The following PTGER2 variants were observed in gnomAD, a reference collection of about 807,000 sequenced individuals.
PTGER2 encodes prostaglandin E2 receptor EP2 subtype.
In PTGER2, 22 loss-of-function variants were observed where a neutral mutation model predicts 26.2. That is an observed-to-expected ratio of 0.84 (90% CI 0.60 to 1.20). PTGER2 has a LOEUF of 1.20. Ranked by LOEUF, PTGER2 falls within the 50% of genes most tolerant of loss-of-function variation. The pLI is 0.00. For synonymous variants in PTGER2, 219 were observed against 208.9 expected, an observed-to-expected ratio of 1.05 and a Z score of -0.42; for missense variants, 458 against 475.2, an observed-to-expected ratio of 0.96 and a Z score of 0.34.
rs2033829161 is a variant in PTGER2, at chr14:52,315,356, AC to A, written c.810del (p.Ile271SerfsTer16). 1.2e-6 allele frequency: 2 copies of A among 1,612,666 alleles called. No homozygotes were observed. Among genetic ancestry groups the A allele is most frequent in the East Asian group, 4.5e-5 (2 of 44,744 alleles). On this transcript the variant is annotated frameshift_variant, in exon 1 of 2. Coordinates refer to ENST00000245457, the MANE Select transcript of PTGER2 (RefSeq NM_000956.4). LOFTEE classifies it high-confidence loss of function. ...TDHLILLAIMTITFAVCSLPF... is the reference protein window; with the variant it reads ...TDHLILLAIMXITFAVCSLPF... ...CCACCTCATTCTCCTGGCTATCATG[AC>A]CATCACCTTCGCCGTCTGCTCCTTG...
At chr14:52,322,998 T>C (rs764683725) in intron 1 of PTGER2, among the ~76,000 whole-genome samples, 1 of 152,234 alleles carries the variant, frequency 6.6e-6, no homozygotes, top group Non-Finnish European at 1.5e-5. Flanking sequence ...AATATCATAG[T>C]GGTCCTGAGG....
chr14:52,314,697 G>A lies in PTGER2; in HGVS notation c.149G>A (p.Trp50Ter). ...LIALALLARR[W>*]RGDVGCSAGR... ...GCACTGGCGCTGCTGGCGCGCCGCT[G>A]GCGGGGGGACGTGGGGTGCAGCGCC... The change falls in exon 1 of 2, where the codon TGG becomes TAG. Residue 50 changes from tryptophan (W) to a stop codon, truncating the protein, a stop_gained. Transcript: ENST00000245457. LOFTEE classifies it high-confidence loss of function. This position sits in a 1 kb window ranked among gnomAD's most constrained non-coding sequence, Gnocchi z 5.7. The A allele has an allele frequency of 6.4e-7, 1 of 1,553,758 alleles. No individual in the cohort carries two copies. The highest frequency in any genetic ancestry group is 8.7e-7 in the Non-Finnish European group (1 of 1,146,492).
intron 1 of PTGER2, among the ~76,000 whole-genome samples, chr14:52,320,072 G>A (rs1201615911): frequency 1.3e-5 from 2 of 152,190 alleles, no homozygotes; most frequent in Admixed American, 1.3e-4. Context: ...AAGAACTCCA[G>A]ACATCTCTAC....
At chr14:52,326,127 C>G (rs1302226706) in intron 1 of PTGER2, among the ~76,000 whole-genome samples, 2 of 152,148 alleles carry the variant, frequency 1.3e-5, no homozygotes, top group Non-Finnish European at 2.9e-5. Context: ...TCCAACCTGC[C>G]CAAACATTTA....
Position 52,315,032 on chromosome 14 carries a change from G to A in PTGER2, c.484G>A (p.Ala162Thr). The change falls in exon 1 of 2, where the codon GCA becomes ACA. Residue 162 changes from alanine to threonine, a missense_variant. Transcript: ENST00000245457. ...CCTGGCCGTGCTGCCTGTCATCTAT[G>A]CAGTCTCCCTGCTCTTCTGCTCGCT... is the stretch of plus-strand genomic sequence containing the variant. ...GGLAVLPVIY[A>T]VSLLFCSLPL... The A allele has an allele frequency of 8.7e-6, 14 of 1,613,296 alleles. No homozygotes were observed. Among genetic ancestry groups the A allele is most frequent in the Non-Finnish European group, 1.2e-5 (14 of 1,180,024 alleles).
chr14:52,315,870 T>G (rs909994679), intron 1 of PTGER2, among the ~76,000 whole-genome samples: 1 of 152,334 alleles, frequency 6.6e-6, no homozygotes, highest in African/African-American at 2.4e-5. Context: ...GGGCAAAATG[T>G]AGTACCCAAC....
chr14:52,320,995 T>C (rs1319550832), intron 1 of PTGER2, among the ~76,000 whole-genome samples: 2 of 152,234 alleles, frequency 1.3e-5, no homozygotes, highest in Admixed American at 1.3e-4. Flanking sequence ...AGATGGTTCA[T>C]AGTGTCCATC....
At chr14:52,321,060 A>T (rs1474425707) in intron 1 of PTGER2, among the ~76,000 whole-genome samples, 1 of 152,232 alleles carries the variant, frequency 6.6e-6, no homozygotes, top group African/African-American at 2.4e-5. Context: ...CCAGAGGTCT[A>T]AACCTTAGCA....
chr14:52,317,540 C>T (rs760255886), intron 1 of PTGER2, among the ~76,000 whole-genome samples: 21 of 152,164 alleles, frequency 1.4e-4, no homozygotes, highest in African/African-American at 4.3e-4. Context: ...TCCAGAGTTG[C>T]CAGATAGAAG....
intron 1 of PTGER2, among the ~76,000 whole-genome samples, chr14:52,323,247 G>GTGTA (rs1006872962): frequency 4.0e-5 from 6 of 151,412 alleles, no homozygotes; most frequent in Admixed American, 2.6e-4. Flanking sequence ...GTATGTATGT[G>GTGTA]TGTATGTATG....
chr14:52,327,184 T>A, intron 1 of PTGER2, 37 bp from the exon 2 acceptor site: 1 of 1,452,238 alleles, frequency 6.9e-7, no homozygotes, highest in Non-Finnish European at 9.6e-7. Flanking sequence ...TGCTACGATG[T>A]AAAACTAACA....
intron 1 of PTGER2, among the ~76,000 whole-genome samples, chr14:52,317,671 G>A (rs562601580): frequency 6.6e-6 from 1 of 152,234 alleles, no homozygotes; most frequent in South Asian, 2.1e-4. Context: ...AGACTATGAA[G>A]GGGCTTTAGC....
rs1460385510 is a variant in PTGER2, at chr14:52,327,302, A to G, written c.925A>G (p.Ile309Val). The change falls in exon 2 of 2, where the codon ATA becomes GTA. Residue 309 changes from isoleucine to valine, a missense_variant. Physicochemically the swap from Ile to Val is conservative, Grantham distance 29 (BLOSUM62 3). Coordinates refer to ENST00000245457, the MANE Select transcript of PTGER2 (RefSeq NM_000956.4). ...QALRFLSINS[I>V]IDPWVFAILR... ...TCTTAGGTTTTTATCAATTAATTCA[A>G]TAATTGACCCTTGGGTCTTTGCCAT... 6 of 1,613,126 alleles carry G rather than the reference A, an allele frequency of 3.7e-6. No homozygotes were observed. Among genetic ancestry groups the G allele is most frequent in the African/African-American group, 1.3e-5 (1 of 74,898 alleles).
At position 52,315,176 on chromosome 14, in the gene PTGER2, T is replaced by C. The variant is rs138405848; in HGVS notation, c.628T>C (p.Ser210Pro). 78 of 1,608,270 alleles carry C rather than the reference T, an allele frequency of 4.8e-5. No individual in the cohort carries two copies. The highest frequency in any genetic ancestry group is 8.5e-6 in the Non-Finnish European group (10 of 1,179,990). The stretch of plus-strand genomic sequence containing the variant: ...CACCCTGCTGCTGCTTCTCATTGTC[T>C]CGGTGCTCGCCTGCAACTTCAGTGT... ...YATLLLLLIV[S>P]VLACNFSVIL... The change falls in exon 1 of 2, where the codon TCG becomes CCG. Residue 210 changes from serine (S) to proline (P), a missense_variant. Physicochemically the swap from Ser to Pro is moderately conservative, Grantham distance 74. Coordinates refer to ENST00000245457, the MANE Select transcript of PTGER2 (RefSeq NM_000956.4).
chr14:52,316,423 C>T (rs12431401), intron 1 of PTGER2, among the ~76,000 whole-genome samples: 20,637 of 152,134 alleles, frequency 0.14, 1,878 homozygotes, highest in South Asian at 0.45. Context: ...TGGCCTCTTA[C>T]GGGGGCTAGG....
intron 1 of PTGER2, among the ~76,000 whole-genome samples, chr14:52,318,050 C>A (rs890718712): frequency 5.3e-5 from 8 of 152,232 alleles, no homozygotes; most frequent in Non-Finnish European, 1.0e-4. Flanking sequence ...AAGCTCATGG[C>A]TACTGTTTGG....
At position 52,320,861 on chromosome 14, in the gene PTGER2, A is replaced by G. The variant is rs189634615; in HGVS notation, c.843+5470A>G. On this transcript the variant is annotated intron_variant, in intron 1 of 1. Transcript: ENST00000245457. ...CGGATAAGCACATTTAGAAAGGCTGAAAGTTCCTCTAGAGCAGGGTCCATA... is the reference window on the plus strand; with the variant it reads ...CGGATAAGCACATTTAGAAAGGCTGGAAGTTCCTCTAGAGCAGGGTCCATA... Among the ~76,000 whole-genome samples the G allele has an allele frequency of 1.5e-4, 23 of 152,342 alleles. No homozygotes were observed. The East Asian group carries it at 3.5e-3, about 23-fold the overall frequency.
In PTGER2 at chr14:52,315,075, G is replaced by A. The variant is rs2033822131; in HGVS notation, c.527G>A (p.Gly176Glu). The change falls in exon 1 of 2, where the codon GGG (glycine) becomes GAG (glutamate). Residue 176 changes from glycine (G) to glutamate (E), a missense_variant. Coordinates refer to ENST00000245457, the MANE Select transcript of PTGER2 (RefSeq NM_000956.4). ...LFCSLPLLDY[G>E]QYVQYCPGTW... is the part of the protein sequence containing the mutation. ...TGCTCGCTGCCGCTGCTGGACTATGGGCAGTACGTCCAGTACTGCCCCGGG... is the reference window on the plus strand; with the variant it reads ...TGCTCGCTGCCGCTGCTGGACTATGAGCAGTACGTCCAGTACTGCCCCGGG... The A allele has an allele frequency of 1.2e-6, 2 of 1,611,892 alleles. No homozygotes were observed. The highest frequency in any genetic ancestry group is 2.2e-5 in the East Asian group (1 of 44,858).
rs1417200275 is a variant in PTGER2, at chr14:52,315,322, G to A, written c.774G>A (p.Glu258=). 1.9e-6 allele frequency: 3 copies of A among 1,613,300 alleles called. No individual in the cohort carries two copies. The highest frequency in any genetic ancestry group is 2.7e-5 in the African/African-American group (2 of 74,762). ...RRRGERVSMA[E]ETDHLILLAI... is the part of the protein sequence containing the mutation. ...GAGGGGAAAGGGTGTCCATGGCGGA[G>A]GAGACGGACCACCTCATTCTCCTGG... Residue 258 remains glutamate (E), a synonymous_variant, in exon 1 of 2, where the codon GAG becomes GAA. Transcript: ENST00000245457.
Sources: gnomAD v4.1 joint callset for allele counts (sites outside exome capture counted in the v4.1 genomes callset) on GRCh38, gnomAD v4.1.1 for gene constraint, Gnocchi (gnomAD v3.1) non-coding constraint, MANE v1.5 for transcripts, NCBI Gene and HGNC (gene_info 2026-07-23, HGNC 2026-07-21) for gene names.